PDE1C: variants seen among roughly 807,000 people sequenced by gnomAD.
PDE1C encodes dual specificity calcium/calmodulin-dependent 3',5'-cyclic nucleotide phosphodiesterase 1C.
PDE1C carries 62 observed loss-of-function variants against 93.1 expected under a neutral mutation model. The ratio of observed to expected loss-of-function variants is 0.67; its 90% confidence interval spans 0.54 to 0.82. PDE1C has a LOEUF of 0.82. Among genes scored for constraint, PDE1C ranks in the 40% least tolerant of loss-of-function variants. The probability of loss-of-function intolerance (pLI) is 0.00; values close to 1 mark genes in which losing one functional copy is unlikely to be tolerated. For missense variants in PDE1C, 742 were observed against 884.6 expected, an observed-to-expected ratio of 0.84 and a Z score of 2.04; for synonymous variants, 325 against 310.1, an observed-to-expected ratio of 1.05 and a Z score of -0.50.
intron 1 of PDE1C, among the ~76,000 whole-genome samples, chr7:32,230,537 A>G (rs2128861715): frequency 6.6e-6 from 1 of 152,248 alleles, no homozygotes; most frequent in East Asian, 1.9e-4. Context: ...TCCCGCCAAC[A>G]AACACTGGAG....
downstream of PDE1C, among the ~76,000 whole-genome samples, chr7:31,749,641 G>A (rs1339781948): frequency 1.3e-5 from 2 of 152,238 alleles, no homozygotes; most frequent in South Asian, 2.1e-4. Context: ...GAAGAAGGGC[G>A]AGAAGATGCA....
chr7:31,642,898 G>A, the PDE1C span: 13 of 1,614,002 alleles, frequency 8.1e-6, no homozygotes, highest in African/African-American at 1.3e-5. Flanking sequence ...TCTGCTTGAG[G>A]CCATGGAGGG....
chr7:31,756,829 A>G (rs777053377), intron 17 of PDE1C, among the ~76,000 whole-genome samples: 31 of 152,216 alleles, frequency 2.0e-4, no homozygotes, highest in Non-Finnish European at 1.6e-4. Context: ...AAGTGCAAGG[A>G]AACAGAGCCA....
At chr7:32,421,998 G>T (rs1470233383) in intron 1 of PDE1C, among the ~76,000 whole-genome samples, 1 of 152,146 alleles carries the variant, frequency 6.6e-6, no homozygotes, top group Non-Finnish European at 1.5e-5. Flanking sequence ...AAGAAAGTGA[G>T]CCCGAGACTT....
chr7:32,186,259 C>T (rs1015208605), intron 2 of PDE1C, among the ~76,000 whole-genome samples: 1 of 151,936 alleles, frequency 6.6e-6, no homozygotes, highest in East Asian at 1.9e-4. Flanking sequence ...CCCGCCACCG[C>T]GCCCGGCTAA....
intron 2 of PDE1C, among the ~76,000 whole-genome samples, chr7:32,204,149 G>C (rs1294049690): frequency 6.6e-6 from 1 of 151,742 alleles, no homozygotes; most frequent in Non-Finnish European, 1.5e-5. Flanking sequence ...CGTGTAGGTA[G>C]CATCTACACA....
chr7:32,328,584 C>G (rs188428951), intron 1 of PDE1C, among the ~76,000 whole-genome samples: 1 of 152,168 alleles, frequency 6.6e-6, no homozygotes. Context: ...TCTTCCACTT[C>G]AGGATCTTTG....
rs896964897 is a variant in PDE1C, at chr7:31,923,592, T to C, written c.129-42732A>G. Among the ~76,000 whole-genome samples the C allele has an allele frequency of 1.2e-4, 18 of 152,178 alleles. 1 individual carries two copies. Among genetic ancestry groups the C allele is most frequent in the East Asian group, 5.8e-4 (3 of 5,196 alleles). On this transcript the variant is annotated intron_variant, in intron 2 of 17. Transcript: ENST00000396191. ...CATTTTGCTTAGGAATAATTGGAAATATTTTTTGTCAAGTGTTTATGTCTG... is the reference window on the plus strand; with the variant it reads ...CATTTTGCTTAGGAATAATTGGAAACATTTTTTGTCAAGTGTTTATGTCTG...
chr7:31,823,077 G>C lies in PDE1C; in HGVS notation c.1578C>G (p.Pro526=), dbSNP rs1239913739. The stretch of plus-strand genomic sequence containing the variant: ...GACAGGTCTGTGGCATGTTACCTTT[G>C]GGTACCTTGGCCCTCCATCTCTCCC... ...INRERWRAKV[P]KEEKAKKEAE... Residue 526 remains proline (P), a synonymous_variant, in exon 14 of 18, where the codon CCC becomes CCG. Coordinates refer to ENST00000396191, the MANE Select transcript of PDE1C (RefSeq NM_001191057.4). 1.7e-5 allele frequency: 27 copies of C among 1,608,648 alleles called. No individual in the cohort carries two copies. Among genetic ancestry groups the C allele is most frequent in the Non-Finnish European group, 2.2e-5 (26 of 1,177,274 alleles).
At chr7:32,357,776 A>G (rs938118835) in intron 1 of PDE1C, among the ~76,000 whole-genome samples, 2 of 152,148 alleles carry the variant, frequency 1.3e-5, no homozygotes, top group African/African-American at 4.8e-5. Context: ...AAATCACTGG[A>G]GCCTGCAACC....
the PDE1C span, among the ~76,000 whole-genome samples, chr7:31,720,490 G>A: frequency 6.6e-6 from 1 of 152,158 alleles, no homozygotes; most frequent in Non-Finnish European, 1.5e-5. Context: ...TAATGTATGG[G>A]TTTTAATATT....
intron 9 of PDE1C, among the ~76,000 whole-genome samples, chr7:31,844,442 C>CT (rs1792294400): frequency 6.6e-6 from 1 of 151,524 alleles, no homozygotes; most frequent in Admixed American, 6.6e-5. Context: ...CCTGTGTTGG[C>CT]TTTTTGTTTT....
chr7:32,162,015 C>T (rs905689752), intron 3 of PDE1C, among the ~76,000 whole-genome samples: 2 of 152,106 alleles, frequency 1.3e-5, no homozygotes, highest in African/African-American at 4.8e-5. Flanking sequence ...GAGACAAGCC[C>T]ACTGGCTAGG....
chr7:32,252,452 G>A (rs1809461553), intron 1 of PDE1C, among the ~76,000 whole-genome samples: 1 of 152,242 alleles, frequency 6.6e-6, no homozygotes, highest in South Asian at 2.1e-4. Context: ...GCATATAGCT[G>A]TCTAGTCTGG....
chr7:32,052,462 G>C (rs2128690108), intron 1 of PDE1C: 1 of 422,850 alleles, frequency 2.4e-6, no homozygotes, highest in East Asian at 7.2e-5. Flanking sequence ...AGACTCTGAA[G>C]ACCCTTAAAA....
the PDE1C span, among the ~76,000 whole-genome samples, chr7:31,674,563 T>C: frequency 6.6e-6 from 1 of 152,068 alleles, no homozygotes; most frequent in Non-Finnish European, 1.5e-5. Context: ...TGTGTTGATA[T>C]AGAGATAGAA....
chr7:31,709,294 C>G, the PDE1C span, among the ~76,000 whole-genome samples: 1 of 152,098 alleles, frequency 6.6e-6, no homozygotes, highest in Non-Finnish European at 1.5e-5. Context: ...CAAGCAAGCC[C>G]CTGGAACTCT....
intron 1 of PDE1C, among the ~76,000 whole-genome samples, chr7:32,404,597 G>C (rs917668126): frequency 1.6e-4 from 24 of 152,264 alleles, no homozygotes; most frequent in African/African-American, 5.8e-4. Context: ...CTGGGCTCAA[G>C]CAATCCTCCT....
intron 2 of PDE1C, among the ~76,000 whole-genome samples, chr7:31,884,038 G>A (rs1435665593): frequency 6.6e-6 from 1 of 152,264 alleles, no homozygotes; most frequent in South Asian, 2.1e-4. Flanking sequence ...TTGGATGCGT[G>A]GGAGGCACTA....
Sources: gnomAD v4.1 joint callset for allele counts (sites outside exome capture counted in the v4.1 genomes callset) on GRCh38, gnomAD v4.1.1 for gene constraint, MANE v1.5 for transcripts, NCBI Gene and HGNC (gene_info 2026-07-23, HGNC 2026-07-21) for gene names.